The following TTLL10 variants were observed in gnomAD, a reference collection of about 807,000 sequenced individuals.
TTLL10 encodes the protein inactive polyglycylase TTLL10.
A neutral mutation model predicts 69.0 loss-of-function variants in TTLL10; 61 were observed. The observed-to-expected ratio is 0.88, with a 90% CI of 0.72 to 1.09. The LOEUF (loss-of-function observed/expected upper bound fraction) is 1.09. Among genes scored for constraint, TTLL10 ranks in the 50% least tolerant of loss-of-function variants. The pLI, the probability that TTLL10 is intolerant of heterozygous loss-of-function variation, is 0.00. For missense variants in TTLL10, 962 were observed against 945.9 expected (o/e 1.02, Z -0.22); for synonymous variants, 408 against 393.3 (o/e 1.04, Z -0.44).
intron 9 of TTLL10, among the ~76,000 whole-genome samples, 187 bp from the exon 10 acceptor site, chr1:1,182,174 G>T (rs959909745): frequency 1.3e-5 from 2 of 152,218 alleles, no homozygotes; most frequent in African/African-American, 4.8e-5. Context: ...GCAGCCAGCA[G>T]CACAGCCCGT....
chr1:1,184,140 T>C (rs1469714071), intron 12 of TTLL10, 49 bp downstream of exon 12: 1 of 1,611,304 alleles, frequency 6.2e-7, no homozygotes, highest in Admixed American at 1.7e-5. Flanking sequence ...GGGATGAGAT[T>C]AGAAGGAGGT....
At chr1:1,178,589 C>T (rs1407643478) in intron 3 of TTLL10, among the ~76,000 whole-genome samples, 1 of 152,062 alleles carries the variant, frequency 6.6e-6, no homozygotes, top group Non-Finnish European at 1.5e-5. Context: ...TCTCACCTCC[C>T]AAGCAGCCCC....
In TTLL10 at chr1:1,197,583, GC is replaced by G; in HGVS notation, c.1762del (p.Leu588CysfsTer?). The G allele has an allele frequency of 6.6e-7, 1 of 1,512,008 alleles. No individual in the cohort carries two copies. The allele number at this position is 1,512,008 out of a possible 1,614,324, so 93.7% of individuals were successfully genotyped here. ...GCTCGTGCAGCCTCCGCCGCTGGCC[GC>G]CCCTGCCCACCCGCCAGGCCAAGTC... The part of the protein sequence containing the change: ...GGSCSLRRWP[P>X]LPTRQAKSSG... On this transcript the variant is annotated frameshift_variant, in exon 16 of 16. Transcript: ENST00000379289. LOFTEE classifies it high-confidence loss of function.
At chr1:1,183,850 G>A (rs979310962) in intron 11 of TTLL10, 70 bp from the exon 12 acceptor site, 23 of 1,586,348 alleles carry the variant, frequency 1.4e-5, no homozygotes, top group Non-Finnish European at 1.8e-5. Context: ...GGCCCGGGGT[G>A]GGGTGTGAGG....
intron 13 of TTLL10, among the ~76,000 whole-genome samples, chr1:1,196,061 C>T (rs12403745): frequency 0.13 from 19,249 of 151,474 alleles, 2,458 homozygotes; most frequent in East Asian, 0.59. Context: ...CAGGTGTGAG[C>T]CACGTGCCTG....
chr1:1,194,861 T>C (rs1408016874), intron 13 of TTLL10, among the ~76,000 whole-genome samples: 1 of 152,238 alleles, frequency 6.6e-6, no homozygotes, highest in Non-Finnish European at 1.5e-5. Context: ...TTTCTGCCAT[T>C]ATTTTTTCAA....
Position 1,181,068 on chromosome 1 carries a change from GC to G in TTLL10, c.755+213del, listed in dbSNP as rs1647052729. On this transcript the variant is annotated intron_variant, in intron 8 of 15. Coordinates refer to ENST00000379289, the MANE Select transcript of TTLL10 (RefSeq NM_001130045.2). This position sits in a 1 kb window ranked among gnomAD's most constrained non-coding sequence, Gnocchi z 4.6. ...CACCTGGGCTCCCAGGCTGGCCCCA[GC>G]CCCCACCCGTCAGCACCTGCCTCCA... Among the ~76,000 whole-genome samples, 1 of 111,502 alleles carries G rather than the reference GC, an allele frequency of 9.0e-6. No homozygotes were observed. Among genetic ancestry groups the G allele is most frequent in the South Asian group, 3.1e-4 (1 of 3,220 alleles). The allele number at this position is 111,502 out of a possible 152,430, so 73.1% of individuals were successfully genotyped here.
At chr1:1,177,082 G>C (rs1267515382) in intron 3 of TTLL10, among the ~76,000 whole-genome samples, 1 of 149,900 alleles carries the variant, frequency 6.7e-6, no homozygotes. Flanking sequence ...GTGGGTGTCT[G>C]TGTGTGTGTC....
chr1:1,181,669 C>T lies in TTLL10; in HGVS notation c.756-72C>T. The T allele has an allele frequency of 1.4e-6, 2 of 1,433,948 alleles. No individual in the cohort carries two copies. Among genetic ancestry groups the T allele is most frequent in the Non-Finnish European group, 9.5e-7 (1 of 1,050,076 alleles). 88.8% of individuals were successfully genotyped at this position (1,433,948 alleles called of 1,614,324 possible). A position where few individuals can be genotyped will look rare whatever the true frequency, so the allele number is the denominator to read the frequency against. On this transcript the variant is annotated intron_variant, in intron 8 of 15. Transcript: ENST00000379289. The surrounding 1 kb of genome is among the most constrained non-coding windows in gnomAD (Gnocchi z 4.6). ...GCCCACTCACCACCCATGCCCCATC[C>T]CCCAGTCCCCACCCGCTCCAAGCAC...
intron 3 of TTLL10, chr1:1,175,726 C>G (rs1472244893): frequency 8.8e-6 from 4 of 454,720 alleles, no homozygotes; most frequent in African/African-American, 2.0e-5. Context: ...GAGGCTGCTG[C>G]TCCCAGCTGC....
At chr1:1,190,138 A>G (rs1647647835) in intron 13 of TTLL10, among the ~76,000 whole-genome samples, 1 of 150,492 alleles carries the variant, frequency 6.6e-6, no homozygotes, top group Non-Finnish European at 1.5e-5. Context: ...GAATTTGTCC[A>G]TTTCTTCTAG....
At chr1:1,194,098 G>A (rs945166310) in intron 13 of TTLL10, among the ~76,000 whole-genome samples, 8 of 152,214 alleles carry the variant, frequency 5.3e-5, no homozygotes, top group Admixed American at 2.0e-4. Context: ...CAAGGCTGCA[G>A]TGAGCCACAA....
At chr1:1,184,306 G>T (rs1378509520) in intron 12 of TTLL10, among the ~76,000 whole-genome samples, 1 of 152,238 alleles carries the variant, frequency 6.6e-6, no homozygotes, top group Non-Finnish European at 1.5e-5. Context: ...GAAGGGCGTG[G>T]CAGGGACCCC....
intron 3 of TTLL10, chr1:1,175,736 C>CTGTGCAGGTGGAGAGAGGCTGCTGT (rs1340705575): frequency 6.6e-6 from 3 of 452,732 alleles, no homozygotes; most frequent in African/African-American, 6.0e-5. Context: ...CTCCCAGCTG[C>CTGTGCAGGTGGAGAGAGGCTGCTGT]TGTGCAGGTG....
At chr1:1,179,357 C>CCT (rs1425282118) in intron 4 of TTLL10, 24 bp downstream of exon 4, 1 of 1,544,168 alleles carries the variant, frequency 6.5e-7, no homozygotes, top group South Asian at 1.2e-5. Flanking sequence ...CCCTGGGTGG[C>CCT]CTCCTACCTC....
intron 10 of TTLL10, 122 bp downstream of exon 10, chr1:1,182,568 C>A: frequency 1.9e-6 from 2 of 1,079,348 alleles, no homozygotes; most frequent in Non-Finnish European, 1.4e-6. Context: ...TGGGACGAGA[C>A]GAGGTGGTCA....
Position 1,183,823 on chromosome 1 carries a change from G to A in TTLL10, c.1089-97G>A, listed in dbSNP as rs113912497. 493 of 1,489,122 alleles carry A rather than the reference G, an allele frequency of 3.3e-4. No homozygotes were observed. The African/African-American group carries it at 4.9e-3, about 15-fold the overall frequency. The allele number at this position is 1,489,122 out of a possible 1,614,324, so 92.2% of individuals were successfully genotyped here. ...GTCACACCTGGGACAGAGGCGGGGC[G>A]CTGAGGAAATGGAACAGGCCCGGGG... On this transcript the variant is annotated intron_variant, in intron 11 of 15. Transcript: ENST00000379289.
intron 13 of TTLL10, among the ~76,000 whole-genome samples, chr1:1,196,083 TTC>T (rs1217763155): frequency 2.0e-5 from 3 of 152,224 alleles, no homozygotes; most frequent in Non-Finnish European, 4.4e-5. Flanking sequence ...CCCTCACACT[TTC>T]TGTTAGTCCT....
At position 1,181,698 on chromosome 1, in the gene TTLL10, G is replaced by C; in HGVS notation, c.756-43G>C. 1 of 1,546,606 alleles carries C rather than the reference G, an allele frequency of 6.5e-7. No homozygotes were observed. Among genetic ancestry groups the C allele is most frequent in the Non-Finnish European group, 8.8e-7 (1 of 1,141,944 alleles). On this transcript the variant is annotated intron_variant, in intron 8 of 15. Coordinates refer to ENST00000379289, the MANE Select transcript of TTLL10 (RefSeq NM_001130045.2). The surrounding 1 kb of genome is among the most constrained non-coding windows in gnomAD (Gnocchi z 4.6). ...AGTCCCCACCCGCTCCAAGCACCAT[G>C]AGCTGGCCCCTCAGTCCAGGCCCTC...
Sources: gnomAD v4.1 joint callset for allele counts (sites outside exome capture counted in the v4.1 genomes callset) on GRCh38, gnomAD v4.1.1 for gene constraint, Gnocchi (gnomAD v3.1) non-coding constraint, MANE v1.5 for transcripts, NCBI Gene and HGNC (gene_info 2026-07-23, HGNC 2026-07-21) for gene names.